TARBP1: variants seen among roughly 807,000 people sequenced by gnomAD.
TARBP1 encodes tRNA (guanosine(18)-2'-O)-methyltransferase TARBP1.
Under a neutral mutation model 178.6 loss-of-function variants are expected in TARBP1, and 144 were observed. That is an observed-to-expected ratio of 0.81 (90% CI 0.70 to 0.93). The LOEUF is 0.93. TARBP1 is among the 40% of genes least tolerant of loss of function. The probability of loss-of-function intolerance (pLI) is 0.00; values close to 1 mark genes in which losing one functional copy is unlikely to be tolerated. For synonymous variants in TARBP1, 787 were observed against 781.0 expected (o/e 1.01, Z -0.13); for missense variants, 2,067 against 2,011.7 (o/e 1.03, Z -0.53).
intron 13 of TARBP1, among the ~76,000 whole-genome samples, chr1:234,436,915 C>A (rs1665079499): frequency 6.6e-6 from 1 of 152,138 alleles, no homozygotes; most frequent in Admixed American, 6.5e-5. Context: ...ACACACGCAC[C>A]CCCACTCAGG....
At chr1:234,457,470 CCT>C (rs1667403066) in intron 9 of TARBP1, among the ~76,000 whole-genome samples, 195 bp downstream of exon 9, 1 of 152,242 alleles carries the variant, frequency 6.6e-6, no homozygotes, top group South Asian at 2.1e-4. Context: ...CAAACATTTT[CCT>C]CTCTCCCACC....
Position 234,479,094 on chromosome 1 carries a change from C to A in TARBP1, c.10G>T (p.Val4Leu). The A allele has an allele frequency of 6.5e-7, 1 of 1,534,884 alleles. No individual in the cohort carries two copies. Among genetic ancestry groups the A allele is most frequent in the South Asian group, 1.2e-5 (1 of 84,682 alleles). Reference protein sequence around the residue: MEWVLAEALLSQSR... With the variant: MEWLLAEALLSQSR... The stretch of plus-strand genomic sequence containing the variant: ...TGCGAGAGCAGCGCTTCCGCGAGCA[C>A]CCACTCCATTTGCCGAGCGCCCGCG... Residue 4 changes from valine to leucine, a missense_variant, in exon 1 of 30, where the codon GTG (valine) becomes TTG (leucine). Val to Leu is a conservative substitution (Grantham distance 32, BLOSUM62 1). Transcript: ENST00000040877.
In TARBP1 at chr1:234,405,934, G is replaced by A. The variant is rs750689933; in HGVS notation, c.3958C>T (p.Leu1320Phe). ...CCGTGCATGCTTTCCACTTGATGGAGGCTGGATTCAATCACAGGAGTCAGG... is the reference window on the plus strand; with the variant it reads ...CCGTGCATGCTTTCCACTTGATGGAAGCTGGATTCAATCACAGGAGTCAGG... ...DALTPVIESS[L>F]HQVESMHGAG... Residue 1320 changes from leucine (L) to phenylalanine (F), a missense_variant, in exon 24 of 30, where the codon CTC becomes TTC. Leu to Phe is a conservative substitution (Grantham distance 22, BLOSUM62 0). Transcript: ENST00000040877. 1 of 1,614,008 alleles carries A rather than the reference G, an allele frequency of 6.2e-7. No homozygotes were observed. Among genetic ancestry groups the A allele is most frequent in the East Asian group, 2.2e-5 (1 of 44,888 alleles).
Position 234,478,435 on chromosome 1 carries a change from G to A in TARBP1, c.669C>T (p.Ser223=), listed in dbSNP as rs1311424119. ...CCAGCAGCTTCTCCTCTACGCGGCC[G>A]GACCCCAGGGACGCCCCAGGCGCGG... ...GLAAPGASLG[S]GRVEEKLLVL... The change falls in exon 1 of 30, where the codon TCC becomes TCT. Residue 223 remains serine (S), a synonymous_variant. Transcript: ENST00000040877. 7.2e-7 allele frequency: 1 copy of A among 1,384,548 alleles called. No homozygotes were observed. 85.8% of individuals were successfully genotyped at this position (1,384,548 alleles called of 1,614,324 possible).
chr1:234,428,164 C>T (rs1238284944), intron 17 of TARBP1, among the ~76,000 whole-genome samples: 2 of 152,192 alleles, frequency 1.3e-5, no homozygotes, highest in African/African-American at 4.8e-5. Context: ...CCAAGAAAGG[C>T]AGCACAGGGC....
intron 24 of TARBP1, among the ~76,000 whole-genome samples, chr1:234,402,210 T>C (rs79426169): frequency 6.6e-6 from 1 of 152,134 alleles, no homozygotes. Flanking sequence ...TTTACTGGAG[T>C]TTCACCTTTG....
At chr1:234,472,936 T>C in intron 1 of TARBP1, 125 bp from the exon 2 acceptor site, 1 of 753,260 alleles carries the variant, frequency 1.3e-6, no homozygotes, top group Non-Finnish European at 2.3e-6. Flanking sequence ...GAGGTGCCCC[T>C]GTATCAGAGC....
chr1:234,463,890 T>C lies in TARBP1; in HGVS notation c.1346A>G (p.Lys449Arg). The change falls in exon 6 of 30, where the codon AAA (lysine) becomes AGA (arginine). Residue 449 changes from lysine (K) to arginine (R), a missense_variant. Coordinates refer to ENST00000040877, the MANE Select transcript of TARBP1 (RefSeq NM_005646.4). ...PIGSCSPLGL[K>R]LQKFLVTYIS... ...ATAAGTGACTAAAAACTTCTGTAATTTCAGTCCCAATGGAGAACAGCTTCC... is the reference window on the plus strand; with the variant it reads ...ATAAGTGACTAAAAACTTCTGTAATCTCAGTCCCAATGGAGAACAGCTTCC... 6.3e-7 allele frequency: 1 copy of C among 1,599,044 alleles called. No individual in the cohort carries two copies. The highest frequency in any genetic ancestry group is 1.7e-5 in the Admixed American group (1 of 58,018).
At chr1:234,410,413 A>C (rs946345584) in intron 23 of TARBP1, 32 bp downstream of exon 23, 1 of 1,253,204 alleles carries the variant, frequency 8.0e-7, no homozygotes, top group African/African-American at 1.5e-5. Flanking sequence ...CTTTTTTTAC[A>C]GTCAAGTTTA....
intron 10 of TARBP1, among the ~76,000 whole-genome samples, chr1:234,449,155 G>C (rs889785727): frequency 2.6e-5 from 4 of 152,168 alleles, no homozygotes; most frequent in African/African-American, 2.4e-5. Context: ...TAAGTGACAG[G>C]GAGCAGCAAA....
In TARBP1 at chr1:234,429,188, A is replaced by C. The variant is rs749443629; in HGVS notation, c.3008T>G (p.Val1003Gly). The C allele has an allele frequency of 6.2e-7, 1 of 1,604,542 alleles. No homozygotes were observed. Among genetic ancestry groups the C allele is most frequent in the African/African-American group, 1.3e-5 (1 of 74,288 alleles). The change falls in exon 17 of 30, where the codon GTT becomes GGT. Residue 1003 changes from valine (V) to glycine (G), a missense_variant. Val to Gly is a moderately radical substitution (Grantham distance 109). Transcript: ENST00000040877. ...CTTGATTTTGGCAGCAATGGTAAGA[A>C]CTTTGTTATCAAAAACAAACTGAAC... ...AFVQFVFDNKVLTIAAKIKGQ... is the reference protein window; with the variant it reads ...AFVQFVFDNKGLTIAAKIKGQ...
rs563969483 is a variant in TARBP1 at position 234,450,366 on chromosome 1, A to T, written c.1861+62T>A. On this transcript the variant is annotated intron_variant, in intron 10 of 29. Coordinates refer to ENST00000040877, the MANE Select transcript of TARBP1 (RefSeq NM_005646.4). ...AGCCTAACTCTCAGTCTGAAAAACT[A>T]GTTAAAAGTTCTTTGAAAATATTTT... The T allele has an allele frequency of 1.8e-5, 24 of 1,361,234 alleles. No homozygotes were observed. In the South Asian group the frequency reaches 3.4e-4, roughly 19 times the overall value. 84.3% of individuals were successfully genotyped at this position (1,361,234 alleles called of 1,614,324 possible).
intron 22 of TARBP1, among the ~76,000 whole-genome samples, chr1:234,410,808 C>A (rs1018788771): frequency 5.3e-5 from 8 of 152,258 alleles, no homozygotes; most frequent in African/African-American, 1.9e-4. Context: ...CACAGTGGCT[C>A]ACGCCTATAA....
At chr1:234,405,834 G>T in intron 24 of TARBP1, 69 bp downstream of exon 24, 2 of 1,436,882 alleles carry the variant, frequency 1.4e-6, no homozygotes, top group Non-Finnish European at 1.9e-6. Flanking sequence ...CACAGTATGG[G>T]CACTGCCCCC....
At chr1:234,431,197 T>C (rs10910435) in intron 14 of TARBP1, among the ~76,000 whole-genome samples, 20,390 of 152,172 alleles carry the variant, frequency 0.13, 1,497 homozygotes, top group Middle Eastern at 0.26. Flanking sequence ...ATACCCCTCT[T>C]TCACTCTCCA....
Position 234,433,485 on chromosome 1 carries a change from ACC to A in TARBP1, c.2317_2318del (p.Gly773Ter). 1 of 1,614,132 alleles carries A rather than the reference ACC, an allele frequency of 6.2e-7. No individual in the cohort carries two copies. The highest frequency in any genetic ancestry group is 8.5e-7 in the Non-Finnish European group (1 of 1,180,002). ...NLHLKVGWKR[G>X]NPIWRVISLL... Reference sequence around the variant, plus strand: ...GAGAAATAACTCTCCAGATAGGGTTACCCCTTTTCCACCCAACCTTCAAATGC... The same window carrying A: ...GAGAAATAACTCTCCAGATAGGGTTACCTTTTCCACCCAACCTTCAAATGC... On this transcript the variant is annotated frameshift_variant, in exon 14 of 30. Transcript: ENST00000040877. LOFTEE classifies it high-confidence loss of function.
chr1:234,401,922 AC>A, intron 24 of TARBP1, among the ~76,000 whole-genome samples: 1 of 151,858 alleles, frequency 6.6e-6, no homozygotes, highest in South Asian at 2.1e-4. Flanking sequence ...CTCCTTACCC[AC>A]CTGTCCTCTT....
At chr1:234,450,722 A>G (rs1666661739) in intron 9 of TARBP1, among the ~76,000 whole-genome samples, 156 bp from the exon 10 acceptor site, 1 of 152,196 alleles carries the variant, frequency 6.6e-6, no homozygotes, top group Admixed American at 6.5e-5. Flanking sequence ...TGAGTTCCAC[A>G]GACAGTAAAA....
At position 234,467,700 on chromosome 1, in the gene TARBP1, CCAT is replaced by C; in HGVS notation, c.1100-53_1100-51del. ...GACATCTGATTCTGTCTTCATTTCA[CCAT>C]CAAGACTACATACTCATAAATAATG... On this transcript the variant is annotated intron_variant, in intron 3 of 29. Coordinates refer to ENST00000040877, the MANE Select transcript of TARBP1 (RefSeq NM_005646.4). The C allele has an allele frequency of 2.7e-6, 4 of 1,487,436 alleles. No homozygotes were observed. In the South Asian group the frequency reaches 4.2e-5, roughly 15 times the overall value. 92.1% of individuals were successfully genotyped at this position (1,487,436 alleles called of 1,614,324 possible). A position where few individuals can be genotyped will look rare whatever the true frequency, so the allele number is the denominator to read the frequency against.
Sources: allele counts gnomAD v4.1 joint callset (sites outside exome capture counted in the v4.1 genomes callset), GRCh38; gene constraint gnomAD v4.1.1; transcripts MANE v1.5; gene names NCBI Gene and HGNC (gene_info 2026-07-23, HGNC 2026-07-21).